Variants in EYS observed in about 807,000 individuals in gnomAD.
EYS encodes EGF-like photoreceptor maintenance factor, also known as protein eyes shut homolog.
A neutral mutation model predicts 282.1 loss-of-function variants in EYS; 250 were observed. That is an observed-to-expected ratio of 0.89 (90% confidence interval 0.80 to 0.98). The LOEUF (loss-of-function observed/expected upper bound fraction) is 0.98. Ranked by LOEUF, EYS falls within the 50% of genes least tolerant of loss-of-function variation. EYS has a pLI of 0.00. For missense variants in EYS, 4,016 were observed against 3,709.0 expected, an observed-to-expected ratio of 1.08 and a Z score of -2.15; for synonymous variants, 1,355 against 1,282.9, an observed-to-expected ratio of 1.06 and a Z score of -1.20.
intron 12 of EYS, among the ~76,000 whole-genome samples, chr6:65,258,256 A>G (rs1362555840): frequency 1.3e-5 from 2 of 152,014 alleles, no homozygotes; most frequent in African/African-American, 2.4e-5. Context: ...AGTGGGGGGA[A>G]AAATCCACTG....
intron 26 of EYS, among the ~76,000 whole-genome samples, chr6:64,565,848 T>C (rs539404137): frequency 6.6e-6 from 1 of 151,984 alleles, no homozygotes; most frequent in East Asian, 1.9e-4. Context: ...TTTTATTGTA[T>C]ATGTATATCA....
intron 26 of EYS, among the ~76,000 whole-genome samples, chr6:64,452,512 C>G (rs181931168): frequency 2.6e-5 from 4 of 151,962 alleles, no homozygotes; most frequent in African/African-American, 9.7e-5. Flanking sequence ...AAACTACTTT[C>G]AAGTTCATAT....
chr6:64,681,535 G>A (rs1366194587), intron 22 of EYS, among the ~76,000 whole-genome samples: 3 of 152,156 alleles, frequency 2.0e-5, no homozygotes, highest in Non-Finnish European at 2.9e-5. Flanking sequence ...GGGCTGGCGA[G>A]GGCTCTTCCC....
At chr6:65,421,350 T>C (rs753291994) in intron 5 of EYS, among the ~76,000 whole-genome samples, 1 of 151,890 alleles carries the variant, frequency 6.6e-6, no homozygotes, top group Non-Finnish European at 1.5e-5. Context: ...ACTTTTCTTC[T>C]ATACCTTCCT....
In EYS at chr6:64,732,227, TGCAGCAA is replaced by T. The variant is rs1562160580; in HGVS notation, c.3443+81144_3443+81150del. 8.6e-5 allele frequency among the ~76,000 whole-genome samples: 13 copies of T among 151,454 alleles called. No individual in the cohort carries two copies. The East Asian group carries it at 2.5e-3, about 30-fold the overall frequency. Reference sequence around the variant, plus strand: ...CTAATGTTGGTGATGGGTTGCTGGGTGCAGCAAACCACCGTGGCACGTGTATACCTAT... The same window carrying T: ...CTAATGTTGGTGATGGGTTGCTGGGTACCACCGTGGCACGTGTATACCTAT... On this transcript the variant is annotated intron_variant, in intron 22 of 42. Coordinates refer to ENST00000503581, the MANE Select transcript of EYS (RefSeq NM_001142800.2).
At chr6:65,667,023 T>G (rs888384378) in intron 1 of EYS, among the ~76,000 whole-genome samples, 1 of 151,606 alleles carries the variant, frequency 6.6e-6, no homozygotes, top group Non-Finnish European at 1.5e-5. Context: ...AGATGGTAAG[T>G]TCTAGGTACT....
At chr6:64,347,174 C>G (rs1771438527) in intron 29 of EYS, among the ~76,000 whole-genome samples, 1 of 151,348 alleles carries the variant, frequency 6.6e-6, no homozygotes, top group South Asian at 2.1e-4. Flanking sequence ...ACCTATAGAT[C>G]AAATGATATT....
intron 28 of EYS, among the ~76,000 whole-genome samples, chr6:64,433,642 A>G (rs555995392): frequency 6.6e-6 from 1 of 152,172 alleles, no homozygotes; most frequent in East Asian, 1.9e-4. Context: ...GTAAATTGAA[A>G]CAAAATTATA....
chr6:64,449,782 A>G (rs975334472), intron 26 of EYS, among the ~76,000 whole-genome samples: 1 of 152,154 alleles, frequency 6.6e-6, no homozygotes, highest in African/African-American at 2.4e-5. Flanking sequence ...GGAGAAATAA[A>G]ATACTTTACA....
At chr6:65,639,481 T>C (rs1767206810) in intron 2 of EYS, among the ~76,000 whole-genome samples, 1 of 152,120 alleles carries the variant, frequency 6.6e-6, no homozygotes, top group African/African-American at 2.4e-5. Context: ...CTCTTTCTCT[T>C]TCCAAGGCCC....
intron 35 of EYS, among the ~76,000 whole-genome samples, chr6:63,910,277 G>A (rs2149737365): frequency 6.6e-6 from 1 of 152,278 alleles, no homozygotes; most frequent in South Asian, 2.1e-4. Flanking sequence ...CTAAATGTCA[G>A]TGGTGGTGTT....
rs754399844 is a variant in EYS at position 65,494,739 on chromosome 6, A to T, written c.672T>A (p.Asn224Lys). The change falls in exon 4 of 43, where the codon AAT (asparagine) becomes AAA (lysine). Residue 224 changes from asparagine (N) to lysine (K), a missense_variant. By Grantham distance (94) the Asn-to-Lys change is moderately conservative. Coordinates refer to ENST00000503581, the MANE Select transcript of EYS (RefSeq NM_001142800.2). ...CTCTTTTATTAATGCAACTGCCATT[A>T]TTTTTACATGGTTTAAAAGAACATG... ...LDACSFKPCK[N>K]NGSCINKREN... The T allele has an allele frequency of 9.3e-6, 15 of 1,613,310 alleles. No individual in the cohort carries two copies. The highest frequency in any genetic ancestry group is 1.3e-5 in the Non-Finnish European group (15 of 1,179,596).
In EYS at chr6:65,634,279, C is replaced by A. The variant is rs978903523; in HGVS notation, c.-333+5499G>T. On this transcript the variant is annotated intron_variant, in intron 2 of 42. Transcript: ENST00000503581. ...TTCTTCAGCCCTGGACTTCGTGGATCTATAAAGGATTCTCTACATATGAAA... is the reference window on the plus strand; with the variant it reads ...TTCTTCAGCCCTGGACTTCGTGGATATATAAAGGATTCTCTACATATGAAA... 3.9e-5 allele frequency among the ~76,000 whole-genome samples: 6 copies of A among 152,242 alleles called. No homozygotes were observed. The East Asian group carries it at 1.2e-3, about 29-fold the overall frequency.
intron 36 of EYS, chr6:63,821,991 C>T (rs1771337023): frequency 6.6e-6 from 1 of 152,202 alleles, no homozygotes; most frequent in African/African-American, 2.4e-5. Context: ...TGTCCCTGAA[C>T]TCCATGATGA....
At chr6:65,647,691 GC>G (rs1767499779) in intron 1 of EYS, among the ~76,000 whole-genome samples, 1 of 152,120 alleles carries the variant, frequency 6.6e-6, no homozygotes, top group Non-Finnish European at 1.5e-5. Flanking sequence ...TAACCAAAAA[GC>G]TTTTGCTCAA....
chr6:65,046,152 A>G (rs910979988), intron 13 of EYS, among the ~76,000 whole-genome samples: 1 of 151,988 alleles, frequency 6.6e-6, no homozygotes, highest in South Asian at 2.1e-4. Context: ...GACTACTCCA[A>G]CTTTTTAATT....
At chr6:64,603,754 A>T (rs990593449) in intron 24 of EYS, among the ~76,000 whole-genome samples, 1 of 152,004 alleles carries the variant, frequency 6.6e-6, no homozygotes, top group African/African-American at 2.4e-5. Context: ...TGATCTATGC[A>T]TGTCTTCCGA....
At chr6:63,843,381 G>A (rs1772015063) in intron 36 of EYS, among the ~76,000 whole-genome samples, 1 of 152,098 alleles carries the variant, frequency 6.6e-6, no homozygotes, top group Admixed American at 6.6e-5. Context: ...GTGAATGGGA[G>A]TTCACTCATG....
intron 8 of EYS, among the ~76,000 whole-genome samples, chr6:65,374,002 T>C (rs993881359): frequency 7.2e-5 from 11 of 152,300 alleles, no homozygotes; most frequent in South Asian, 4.1e-4. Context: ...TTTTATGTTC[T>C]GTGATATGAA....
Sources: allele counts gnomAD v4.1 joint callset (sites outside exome capture counted in the v4.1 genomes callset), GRCh38; gene constraint gnomAD v4.1.1; transcripts MANE v1.5; gene names NCBI Gene and HGNC (gene_info 2026-07-23, HGNC 2026-07-21).